The following ADCK5 variants were observed in gnomAD, a reference collection of about 807,000 sequenced individuals.
ADCK5 encodes aarF domain containing kinase 5.
ADCK5 carries 43 observed loss-of-function variants against 64.9 expected under a neutral mutation model. That is an observed-to-expected ratio of 0.66 (90% CI 0.52 to 0.85). ADCK5 has a LOEUF of 0.85. ADCK5 is among the 40% of genes least tolerant of loss of function. The pLI is 0.00. For synonymous variants in ADCK5, 434 were observed against 342.8 expected, an observed-to-expected ratio of 1.27 and a Z score of -2.94; for missense variants, 760 against 810.5, an observed-to-expected ratio of 0.94 and a Z score of 0.76.
At position 144,392,629 on chromosome 8, in the gene ADCK5, C is replaced by G; in HGVS notation, c.1452C>G (p.Ile484Met). 1 of 1,593,548 alleles carries G rather than the reference C, an allele frequency of 6.3e-7. No homozygotes were observed. The highest frequency in any genetic ancestry group is 8.5e-7 in the Non-Finnish European group (1 of 1,173,600). ...CCATGCTGCTGGTGCTGCGCAACAT[C>G]AACACCGTGCGCGCTATCAACGTGG... ...PRPMLLVLRN[I>M]NTVRAINVAL... Residue 484 changes from isoleucine (I) to methionine (M), a missense_variant, in exon 13 of 15, where the codon ATC becomes ATG. By Grantham distance (10) the Ile-to-Met change is conservative. Coordinates refer to ENST00000308860, the MANE Select transcript of ADCK5 (RefSeq NM_174922.5).
At chr8:144,385,147 C>G (rs373624483) in intron 3 of ADCK5, among the ~76,000 whole-genome samples, 16 of 151,530 alleles carry the variant, frequency 1.1e-4, no homozygotes, top group African/African-American at 3.9e-4. Context: ...TTCTCTGCCT[C>G]AGAGCCCTGT....
chr8:144,390,862 C>G lies in ADCK5; in HGVS notation c.349C>G (p.Pro117Ala). The G allele has an allele frequency of 6.2e-7, 1 of 1,612,914 alleles. No homozygotes were observed. The highest frequency in any genetic ancestry group is 8.5e-7 in the Non-Finnish European group (1 of 1,179,908). ...TCCCCATGCCTGTGGTCAGAACAGC[C>G]CAGGCTACTTGGAGGTGATGTCTGC... ...VVLRGVEENS[P>A]GYLEVMSACH... Residue 117 changes from proline to alanine, a missense_variant, in exon 5 of 15, where the codon CCA (proline) becomes GCA (alanine). This residue lies in a region of ADCK5 where 427 missense variants were observed against 518.4 expected (regional missense o/e 0.82). Coordinates refer to ENST00000308860, the MANE Select transcript of ADCK5 (RefSeq NM_174922.5).
upstream of ADCK5, chr8:144,373,168 T>A (rs1819217172): frequency 6.6e-6 from 1 of 152,532 alleles, no homozygotes; most frequent in African/African-American, 2.4e-5. Context: ...TTTTGTTTCA[T>A]GCTCACAGTG....
rs1554860576 is a variant in ADCK5 at position 144,391,489 on chromosome 8, C to T, written c.798+15C>T. 1.2e-6 allele frequency: 2 copies of T among 1,604,504 alleles called. No individual in the cohort carries two copies. Among genetic ancestry groups the T allele is most frequent in the Non-Finnish European group, 1.7e-6 (2 of 1,176,878 alleles). The stretch of plus-strand genomic sequence containing the variant: ...GGGTCCTCCAGGTACAGCCCCACCC[C>T]TTCCCCGGCCAGCAGGAGCAAACAC... On this transcript the variant is annotated intron_variant, in intron 7 of 14. Coordinates refer to ENST00000308860, the MANE Select transcript of ADCK5 (RefSeq NM_174922.5).
At chr8:144,388,580 C>A (rs369568639) in intron 3 of ADCK5, among the ~76,000 whole-genome samples, 1 of 151,506 alleles carries the variant, frequency 6.6e-6, no homozygotes, top group South Asian at 2.1e-4. Flanking sequence ...CTGGCCAACA[C>A]GGTGAAACCC....
chr8:144,392,422 T>TCCCTCCCTCCCTCCCTCCCC (rs1820317960), intron 12 of ADCK5, 23 bp from the exon 13 acceptor site: 24 of 542,126 alleles, frequency 4.4e-5, no homozygotes, highest in East Asian at 1.3e-4. Context: ...GCCCCCTCCC[T>TCCCTCCCTCCCTCCCTCCCC]CCCTCCCTCC....
chr8:144,380,403 T>C (rs1186196507), intron 2 of ADCK5, among the ~76,000 whole-genome samples: 1 of 147,770 alleles, frequency 6.8e-6, no homozygotes, highest in Non-Finnish European at 1.5e-5. Context: ...GGGCCGGGTG[T>C]AGAAACAGAT....
chr8:144,391,312 C>CG, intron 6 of ADCK5, 38 bp downstream of exon 6: 1 of 1,612,104 alleles, frequency 6.2e-7, no homozygotes, highest in Non-Finnish European at 8.5e-7. Context: ...TGGGCTGGGG[C>CG]GGGGCACAGT....
chr8:144,375,757 A>C, intron 1 of ADCK5: 1 of 752,576 alleles, frequency 1.3e-6, no homozygotes, highest in Non-Finnish European at 1.6e-6. Flanking sequence ...CACCATAAGA[A>C]AGCATGAGAG....
rs368263421 is a variant in ADCK5, at chr8:144,379,340, G to T, written c.13-47G>T. On this transcript the variant is annotated intron_variant, in intron 1 of 14. Transcript: ENST00000308860. ...GTGCTGGTACTGGTTGAGGGCAGGG[G>T]CGTGTCCTGGCCTCGTTCGACCCCA... 2.8e-6 allele frequency: 4 copies of T among 1,430,316 alleles called. No homozygotes were observed. In the East Asian group the frequency reaches 7.4e-5, roughly 26 times the overall value. 88.6% of individuals were successfully genotyped at this position (1,430,316 alleles called of 1,614,324 possible).
Position 144,392,640 on chromosome 8 carries a change from G to A in ADCK5, c.1463G>A (p.Arg488His). The A allele has an allele frequency of 1.3e-6, 2 of 1,594,812 alleles. No homozygotes were observed. Among genetic ancestry groups the A allele is most frequent in the Non-Finnish European group, 8.5e-7 (1 of 1,173,468 alleles). ...GTGCTGCGCAACATCAACACCGTGCGCGCTATCAACGTGGCCCTCGGCGCC... is the reference window on the plus strand; with the variant it reads ...GTGCTGCGCAACATCAACACCGTGCACGCTATCAACGTGGCCCTCGGCGCC... The part of the protein sequence containing the change: ...LLVLRNINTV[R>H]AINVALGAPV... Residue 488 changes from arginine to histidine, a missense_variant, in exon 13 of 15, where the codon CGC becomes CAC. Around this residue, in one of 2 missense-constraint regions of ADCK5, gnomAD observed 333 missense variants for 292.0 expected, o/e 1.14. Coordinates refer to ENST00000308860, the MANE Select transcript of ADCK5 (RefSeq NM_174922.5).
chr8:144,382,719 G>A (rs1011861997), intron 2 of ADCK5, among the ~76,000 whole-genome samples: 4 of 152,206 alleles, frequency 2.6e-5, no homozygotes, highest in African/African-American at 4.8e-5. Flanking sequence ...CGAGGTGGAC[G>A]GTGGTTGTGA....
Position 144,384,023 on chromosome 8 carries a change from C to A in ADCK5, c.266+793C>A, listed in dbSNP as rs920580787. Among the ~76,000 whole-genome samples the A allele has an allele frequency of 6.6e-6, 1 of 151,684 alleles. No individual in the cohort carries two copies. The highest frequency in any genetic ancestry group is 1.5e-5 in the Non-Finnish European group (1 of 67,976). On this transcript the variant is annotated intron_variant, in intron 3 of 14. Transcript: ENST00000308860. This position sits in a 1 kb window ranked among gnomAD's most constrained non-coding sequence, Gnocchi z 5.7. ...TCTCCTGCCTCAGCCTCCTGAGTAGCCGGGACTACAGGTGCCCACCACCAT... is the reference window on the plus strand; with the variant it reads ...TCTCCTGCCTCAGCCTCCTGAGTAGACGGGACTACAGGTGCCCACCACCAT...
intron 2 of ADCK5, among the ~76,000 whole-genome samples, chr8:144,379,776 G>A (rs1309674162): frequency 6.6e-6 from 1 of 152,218 alleles, no homozygotes; most frequent in East Asian, 1.9e-4. Context: ...AGCAAACCGG[G>A]TCATTCAGAG....
intron 1 of ADCK5, among the ~76,000 whole-genome samples, chr8:144,375,028 C>T (rs1363924717): frequency 6.6e-6 from 1 of 152,268 alleles, no homozygotes; most frequent in African/African-American, 2.4e-5. Flanking sequence ...CCTTGCCCGT[C>T]TGGCTATAAA....
At chr8:144,382,931 A>G in intron 2 of ADCK5, 150 bp from the exon 3 acceptor site, 1 of 1,132,388 alleles carries the variant, frequency 8.8e-7, no homozygotes, top group Non-Finnish European at 1.2e-6. Flanking sequence ...AGGGAAGGGG[A>G]CGCTGATGCG....
Position 144,379,501 on chromosome 8 carries a change from C to T in ADCK5, c.116+11C>T, listed in dbSNP as rs369986202. On this transcript the variant is annotated intron_variant, in intron 2 of 14. Coordinates refer to ENST00000308860, the MANE Select transcript of ADCK5 (RefSeq NM_174922.5). ...GGGCCTTCCTCCAAGGTAACGAGTC[C>T]TCCACGGGCATGCGCCTCTCACCCA... 2.5e-4 allele frequency: 393 copies of T among 1,583,356 alleles called. No individual in the cohort carries two copies. Among genetic ancestry groups the T allele is most frequent in the Admixed American group, 5.2e-4 (30 of 58,052 alleles).
chr8:144,379,567 G>A, intron 2 of ADCK5, 77 bp downstream of exon 2: 1 of 1,243,742 alleles, frequency 8.0e-7, no homozygotes, highest in Non-Finnish European at 1.1e-6. Flanking sequence ...AGAGGTGGCA[G>A]TCGAGGGCCC....
At chr8:144,386,340 T>A (rs571836429) in intron 3 of ADCK5, among the ~76,000 whole-genome samples, 134 of 151,770 alleles carry the variant, frequency 8.8e-4, no homozygotes, top group African/African-American at 2.7e-3. Context: ...TAAAATTTTT[T>A]AATTTTTTAT....
Sources: gnomAD v4.1 joint callset for allele counts (sites outside exome capture counted in the v4.1 genomes callset) on GRCh38, gnomAD v4.1.1 for gene constraint, gnomAD v4.1.1 regional missense constraint, Gnocchi (gnomAD v3.1) non-coding constraint, MANE v1.5 for transcripts, NCBI Gene and HGNC (gene_info 2026-07-23, HGNC 2026-07-21) for gene names.